QRICH1: variants seen among roughly 807,000 people sequenced by gnomAD.
QRICH1 encodes the protein transcriptional regulator QRICH1.
In QRICH1, 16 loss-of-function variants were observed where a neutral mutation model predicts 87.1. That is an observed-to-expected ratio of 0.18 (90% CI 0.12 to 0.28). The LOEUF is 0.28. Among genes scored for constraint, QRICH1 ranks in the 10% least tolerant of loss-of-function variants. QRICH1 has a pLI of 1.00. For missense variants in QRICH1, 647 were observed against 951.7 expected (o/e 0.68, Z 4.21); for synonymous variants, 367 against 368.4 (o/e 1.00, Z 0.05).
chr3:49,078,929 T>C (rs1030733149), intron 1 of QRICH1, among the ~76,000 whole-genome samples: 2 of 151,916 alleles, frequency 1.3e-5, no homozygotes, highest in Admixed American at 6.6e-5. Flanking sequence ...TGACTTCAGG[T>C]GACCCTCCCG....
At chr3:49,086,023 G>C (rs1200001280) in intron 1 of QRICH1, among the ~76,000 whole-genome samples, 1 of 151,792 alleles carries the variant, frequency 6.6e-6, no homozygotes, top group African/African-American at 2.4e-5. Flanking sequence ...CAATTTCTGG[G>C]ACTCTGATGA....
At chr3:49,038,444 G>A (rs2093289081) in intron 6 of QRICH1, among the ~76,000 whole-genome samples, 2 of 151,906 alleles carry the variant, frequency 1.3e-5, no homozygotes, top group South Asian at 4.2e-4. Flanking sequence ...ACTGAGTCTT[G>A]CACTGTTGCC....
chr3:49,084,986 C>CA (rs1188385385), intron 1 of QRICH1, among the ~76,000 whole-genome samples: 1 of 149,584 alleles, frequency 6.7e-6, no homozygotes, highest in African/African-American at 2.5e-5. Context: ...ACTAAAAATA[C>CA]AAAAAAATTA....
At chr3:49,051,003 C>A (rs1423321430) in intron 3 of QRICH1, among the ~76,000 whole-genome samples, 1 of 152,212 alleles carries the variant, frequency 6.6e-6, no homozygotes, top group Non-Finnish European at 1.5e-5. Context: ...CAATTACCGT[C>A]TTGCTCAAAG....
chr3:49,046,624 T>C (rs766013575), intron 4 of QRICH1, 45 bp from the exon 5 acceptor site: 2 of 1,599,810 alleles, frequency 1.3e-6, no homozygotes, highest in South Asian at 1.1e-5. Context: ...TGGGGGTCCA[T>C]ATCTGGAAGG....
chr3:49,065,829 C>T (rs966360842), intron 2 of QRICH1, among the ~76,000 whole-genome samples: 1 of 152,024 alleles, frequency 6.6e-6, no homozygotes, highest in Admixed American at 6.6e-5. Flanking sequence ...TACAGGCACC[C>T]GCCACCACGC....
intron 2 of QRICH1, among the ~76,000 whole-genome samples, chr3:49,060,395 G>A (rs1006573088): frequency 3.3e-5 from 5 of 151,776 alleles, no homozygotes; most frequent in Non-Finnish European, 5.9e-5. Context: ...GGGTTTCACC[G>A]TGTTAGCCAG....
At chr3:49,080,966 CAA>C (rs34230924) in intron 1 of QRICH1, among the ~76,000 whole-genome samples, 111 of 24,790 alleles carry the variant, frequency 4.5e-3, no homozygotes, top group African/African-American at 0.02. Context: ...AACTCCATCT[CAA>C]AAAAAAAAAA....
intron 2 of QRICH1, among the ~76,000 whole-genome samples, chr3:49,075,248 A>G (rs2041927923): frequency 6.6e-6 from 1 of 151,800 alleles, no homozygotes; most frequent in Non-Finnish European, 1.5e-5. Context: ...ATGATCGCTT[A>G]AGCCTTGGAG....
At chr3:49,052,927 A>C (rs185718017) in intron 3 of QRICH1, among the ~76,000 whole-genome samples, 1 of 152,212 alleles carries the variant, frequency 6.6e-6, no homozygotes, top group Non-Finnish European at 1.5e-5. Context: ...AATTAGAAGA[A>C]TATGTTAAAC....
At chr3:49,077,549 A>G (rs1226354359) in intron 1 of QRICH1, among the ~76,000 whole-genome samples, 1 of 152,226 alleles carries the variant, frequency 6.6e-6, no homozygotes, top group African/African-American at 2.4e-5. Flanking sequence ...CTCCCATCAG[A>G]AAAACCAAAA....
chr3:49,039,752 A>C (rs1202434399), intron 6 of QRICH1, among the ~76,000 whole-genome samples: 1 of 151,684 alleles, frequency 6.6e-6, no homozygotes, highest in Admixed American at 6.6e-5. Flanking sequence ...AAACAAAAAC[A>C]AACAAAAAGG....
chr3:49,055,079 G>A (rs1011338790), intron 3 of QRICH1, among the ~76,000 whole-genome samples: 7 of 152,144 alleles, frequency 4.6e-5, no homozygotes, highest in African/African-American at 1.7e-4. Context: ...TAGACTCTAA[G>A]CTATATGAAG....
At chr3:49,090,458 C>CAAA (rs11425427) in intron 1 of QRICH1, among the ~76,000 whole-genome samples, 28 of 96,062 alleles carry the variant, frequency 2.9e-4, no homozygotes, top group Non-Finnish European at 5.0e-4. Context: ...GACTACGTCT[C>CAAA]AAAAAAAAAA....
intron 7 of QRICH1, 44 bp from the exon 8 acceptor site, chr3:49,032,817 A>T (rs368570996): frequency 2.0e-4 from 320 of 1,577,554 alleles, no homozygotes; most frequent in Non-Finnish European, 2.7e-4. Context: ...GGGTGCCGGG[A>T]GGATACCATG....
chr3:49,076,873 C>T lies in QRICH1; in HGVS notation c.145G>A (p.Ala49Thr). The change falls in exon 2 of 10, where the codon GCC becomes ACC. Residue 49 changes from alanine (A) to threonine (T), a missense_variant. By Grantham distance (58) the Ala-to-Thr change is moderately conservative (BLOSUM62 0). This residue lies in a region of QRICH1 where 56 missense variants were observed against 109.6 expected (regional missense o/e 0.51). Transcript: ENST00000395443. ...TGTTGGTACACCATGGTAGTGGTGGCTGTCTGCTGGAACTCCTGAAGGGCT... is the reference window on the plus strand; with the variant it reads ...TGTTGGTACACCATGGTAGTGGTGGTTGTCTGCTGGAACTCCTGAAGGGCT... ...PEALQEFQQT[A>T]TTTMVYQQGG... 1.2e-6 allele frequency: 2 copies of T among 1,613,910 alleles called. No homozygotes were observed. The highest frequency in any genetic ancestry group is 1.7e-5 in the Admixed American group (1 of 59,968).
intron 6 of QRICH1, among the ~76,000 whole-genome samples, chr3:49,038,944 T>A (rs956184026): frequency 4.6e-5 from 7 of 152,208 alleles, no homozygotes; most frequent in Middle Eastern, 3.4e-3. Flanking sequence ...GAAGAACTGC[T>A]TGAATCCAGG....
intron 3 of QRICH1, among the ~76,000 whole-genome samples, chr3:49,056,399 G>C (rs974825605): frequency 6.6e-6 from 1 of 152,168 alleles, no homozygotes. Context: ...CACCCACACT[G>C]TGTGCCCAAA....
intron 2 of QRICH1, among the ~76,000 whole-genome samples, chr3:49,072,552 T>C (rs1233728554): frequency 6.6e-6 from 1 of 151,730 alleles, no homozygotes; most frequent in Non-Finnish European, 1.5e-5. Flanking sequence ...AAACTCTCCA[T>C]ATGCCAGATA....
Sources: allele counts gnomAD v4.1 joint callset (sites outside exome capture counted in the v4.1 genomes callset), GRCh38; gene constraint gnomAD v4.1.1; regional missense constraint gnomAD v4.1.1; transcripts MANE v1.5; gene names NCBI Gene and HGNC (gene_info 2026-07-23, HGNC 2026-07-21).